The following MASP1 variants were observed in gnomAD, a reference collection of about 807,000 sequenced individuals.
MASP1 encodes MBL associated serine protease 1.
In MASP1, 59 loss-of-function variants were observed where a neutral mutation model predicts 77.1. That is an observed-to-expected ratio of 0.77 (90% confidence interval 0.62 to 0.95). The LOEUF is 0.95. MASP1 is among the 40% of genes least tolerant of loss of function. MASP1 has a pLI of 0.00. For synonymous variants in MASP1, 362 were observed against 354.5 expected (o/e 1.02, Z -0.24); for missense variants, 885 against 912.9 (o/e 0.97, Z 0.39).
chr3:187,228,758 ACTCT>A (rs1712588900), intron 11 of MASP1, among the ~76,000 whole-genome samples: 1 of 150,194 alleles, frequency 6.7e-6, no homozygotes, highest in Non-Finnish European at 1.5e-5. Flanking sequence ...ACCTTCCCTC[ACTCT>A]CTTTACCTCT....
intron 4 of MASP1, among the ~76,000 whole-genome samples, chr3:187,258,493 C>A (rs1235148332): frequency 6.6e-6 from 1 of 152,208 alleles, no homozygotes; most frequent in Non-Finnish European, 1.5e-5. Context: ...CCTCCTATAA[C>A]CTGTTGAATA....
intron 10 of MASP1, among the ~76,000 whole-genome samples, chr3:187,238,805 G>A (rs1246479049): frequency 1.3e-5 from 2 of 152,080 alleles, no homozygotes; most frequent in Admixed American, 1.3e-4. Flanking sequence ...AAAATAAAAG[G>A]GCAAGTAATA....
intron 2 of MASP1, among the ~76,000 whole-genome samples, chr3:187,284,021 CT>C (rs1377187555): frequency 2.6e-5 from 4 of 152,170 alleles, no homozygotes; most frequent in Non-Finnish European, 4.4e-5. Context: ...GAAGACCCCC[CT>C]GGTTGATCCT....
At chr3:187,290,717 A>G (rs1718244581) in intron 1 of MASP1, among the ~76,000 whole-genome samples, 1 of 151,256 alleles carries the variant, frequency 6.6e-6, no homozygotes, top group Non-Finnish European at 1.5e-5. Flanking sequence ...TCCCAAGTGA[A>G]AAGAAAATTA....
chr3:187,279,137 C>A (rs1160237500), intron 2 of MASP1, among the ~76,000 whole-genome samples: 1 of 152,238 alleles, frequency 6.6e-6, no homozygotes, highest in Non-Finnish European at 1.5e-5. Flanking sequence ...ATTCTTCACT[C>A]TGCAAAGAAA....
Position 187,256,500 on chromosome 3 carries a change from T to A in MASP1, c.744+164A>T, listed in dbSNP as rs570532344. On this transcript the variant is annotated intron_variant, in intron 5 of 10. Coordinates refer to ENST00000296280, the MANE Select transcript of MASP1 (RefSeq NM_139125.4). ...TCGGATCAGAGATTCCTGGAATAGATCTAACTAAGATGGTAGATATTATTT... is the reference window on the plus strand; with the variant it reads ...TCGGATCAGAGATTCCTGGAATAGAACTAACTAAGATGGTAGATATTATTT... 81 of 722,880 alleles carry A rather than the reference T, an allele frequency of 1.1e-4. No homozygotes were observed. In the African/African-American group the frequency reaches 1.2e-3, roughly 11 times the overall value. The allele number at this position is 722,880 out of a possible 1,614,324, so 44.8% of individuals were successfully genotyped here.
At chr3:187,225,622 C>T (rs1257476703) in intron 12 of MASP1, 1 of 1,003,152 alleles carries the variant, frequency 1.0e-6, no homozygotes, top group African/African-American at 1.6e-5. Flanking sequence ...AGCCTTAGCC[C>T]TTTCACTGCC....
chr3:187,226,110 TG>T (rs902798027), intron 12 of MASP1: 1 of 432,102 alleles, frequency 2.3e-6, no homozygotes, highest in African/African-American at 2.0e-5. Flanking sequence ...CGTATATGTA[TG>T]ATCTATTTGA....
At chr3:187,251,522 A>G (rs145331510) in intron 7 of MASP1, 112 bp downstream of exon 7, 40 of 871,756 alleles carry the variant, frequency 4.6e-5, no homozygotes, top group Non-Finnish European at 7.4e-5. Flanking sequence ...CAGCTAGGAA[A>G]TTCTGTGCTG....
At chr3:187,284,500 C>A (rs927011734) in intron 2 of MASP1, among the ~76,000 whole-genome samples, 2 of 152,164 alleles carry the variant, frequency 1.3e-5, no homozygotes, top group Non-Finnish European at 2.9e-5. Context: ...CCATGGAACA[C>A]CAATTTTGGA....
exon 14 of MASP1, chr3:187,223,184 G>A (rs1276173948): frequency 6.2e-7 from 1 of 1,614,118 alleles, no homozygotes; most frequent in East Asian, 2.2e-5. Flanking sequence ...CGCTGACGAT[G>A]ACCATGGCTC....
chr3:187,223,818 G>T (rs1361448458), intron 13 of MASP1, among the ~76,000 whole-genome samples: 4 of 152,246 alleles, frequency 2.6e-5, no homozygotes, highest in Non-Finnish European at 5.9e-5. Flanking sequence ...TGAAAACAGT[G>T]TTGGGCTTAA....
Position 187,234,087 on chromosome 3 carries a change from G to C in MASP1, c.*1597C>G. On this transcript the variant is annotated 3_prime_UTR_variant, in exon 11 of 11. Coordinates refer to ENST00000296280, the MANE Select transcript of MASP1 (RefSeq NM_139125.4). ...CAAAACCCATAAGCCAAGGCTGTTG[G>C]TTATCCACGAGGGTTTATTTCCACT... is the stretch of plus-strand genomic sequence containing the variant. The C allele has an allele frequency of 7.9e-7, 1 of 1,268,444 alleles. No individual in the cohort carries two copies. Among genetic ancestry groups the C allele is most frequent in the South Asian group, 1.3e-5 (1 of 78,210 alleles). 78.6% of individuals were successfully genotyped at this position (1,268,444 alleles called of 1,614,324 possible).
At chr3:187,288,884 C>T (rs1016801437) in intron 1 of MASP1, among the ~76,000 whole-genome samples, 1 of 152,164 alleles carries the variant, frequency 6.6e-6, no homozygotes, top group African/African-American at 2.4e-5. Flanking sequence ...GGAAGCTTTC[C>T]CTTCTACTTT....
At chr3:187,254,111 G>A (rs1301464443) in intron 5 of MASP1, among the ~76,000 whole-genome samples, 1 of 152,142 alleles carries the variant, frequency 6.6e-6, no homozygotes, top group Non-Finnish European at 1.5e-5. Flanking sequence ...CAAAGAACCT[G>A]CAGTCTAGTT....
chr3:187,226,616 C>CT (rs1712451874), intron 11 of MASP1: 1 of 821,638 alleles, frequency 1.2e-6, no homozygotes, highest in Non-Finnish European at 2.1e-6. Flanking sequence ...CAGAGGACCC[C>CT]TCAAGACCTT....
At chr3:187,220,306 A>C (rs1463287282) in intron 15 of MASP1, 1 of 1,565,100 alleles carries the variant, frequency 6.4e-7, no homozygotes, top group South Asian at 1.1e-5. Context: ...GCCCCTTCCC[A>C]GCCCAAGTCT....
At chr3:187,250,773 C>T (rs1032940480) in intron 7 of MASP1, among the ~76,000 whole-genome samples, 11 of 152,288 alleles carry the variant, frequency 7.2e-5, no homozygotes, top group Admixed American at 6.5e-4. Context: ...GAACACCCCT[C>T]TTTGAGAACC....
intron 2 of MASP1, among the ~76,000 whole-genome samples, chr3:187,280,985 T>C (rs1296551099): frequency 1.3e-5 from 2 of 152,208 alleles, no homozygotes; most frequent in Non-Finnish European, 2.9e-5. Context: ...GAGTCCATTT[T>C]AGGTGCAGTC....
Sources: gnomAD v4.1 joint callset for allele counts (sites outside exome capture counted in the v4.1 genomes callset) on GRCh38, gnomAD v4.1.1 for gene constraint, MANE v1.5 for transcripts, NCBI Gene and HGNC (gene_info 2026-07-23, HGNC 2026-07-21) for gene names.